PLEKHG1: variants seen among roughly 807,000 people sequenced by gnomAD.
PLEKHG1 encodes pleckstrin homology and RhoGEF domain containing G1.
In PLEKHG1, 44 loss-of-function variants were observed where a neutral mutation model predicts 100.8. The ratio of observed to expected loss-of-function variants is 0.44; its 90% CI spans 0.34 to 0.56. The LOEUF is 0.56. Ranked by LOEUF, PLEKHG1 falls within the 20% of genes least tolerant of loss-of-function variation. The pLI is 0.01. For synonymous variants in PLEKHG1, 640 were observed against 662.5 expected (o/e 0.97, Z 0.52); for missense variants, 1,545 against 1,720.9 (o/e 0.90, Z 1.81).
chr6:150,703,700 T>C (rs1264973697), intron 3 of PLEKHG1, among the ~76,000 whole-genome samples: 1 of 152,178 alleles, frequency 6.6e-6, no homozygotes, highest in East Asian at 1.9e-4. Context: ...TTCTGTTAAA[T>C]TGTACCTTAA....
intron 3 of PLEKHG1, among the ~76,000 whole-genome samples, chr6:150,707,362 T>C (rs924561204): frequency 1.1e-4 from 17 of 152,152 alleles, no homozygotes; most frequent in African/African-American, 3.9e-4. Context: ...TATCAGATCA[T>C]ATAGTCTGGT....
Position 150,741,274 on chromosome 6 carries a change from A to G in PLEKHG1, c.411+7182A>G, listed in dbSNP as rs1487519979. On this transcript the variant is annotated intron_variant, in intron 2 of 15. Transcript: ENST00000358517. ...ATTTGCAGAGTTGCTCTGCAAAAGTAGCTGTCGGCTGAACACAAGAGTTCA... is the reference window on the plus strand; with the variant it reads ...ATTTGCAGAGTTGCTCTGCAAAAGTGGCTGTCGGCTGAACACAAGAGTTCA... Among the ~76,000 whole-genome samples, 3 of 152,212 alleles carry G rather than the reference A, an allele frequency of 2.0e-5. No individual in the cohort carries two copies. The East Asian group carries it at 5.8e-4, about 29-fold the overall frequency.
chr6:150,702,476 A>AG (rs1366015477), intron 3 of PLEKHG1, among the ~76,000 whole-genome samples: 2 of 151,662 alleles, frequency 1.3e-5, no homozygotes, highest in Non-Finnish European at 2.9e-5. Context: ...TCTCAAAAAA[A>AG]AAAAGTTCTG....
Position 150,737,389 on chromosome 6 carries a change from T to A in PLEKHG1, c.411+3297T>A, listed in dbSNP as rs578120339. ...TCACTGCAAGCTCCGCTTCCCGGGT[T>A]CACGCCATTCTCCTGCCTCAGCCTC... On this transcript the variant is annotated intron_variant, in intron 2 of 15. Transcript: ENST00000358517. Among the ~76,000 whole-genome samples the A allele has an allele frequency of 6.6e-4, 100 of 151,304 alleles. 2 individuals carry two copies. The highest frequency in any genetic ancestry group is 2.4e-3 in the African/African-American group (98 of 40,964).
At chr6:150,682,713 G>C (rs1352312313) in intron 3 of PLEKHG1, among the ~76,000 whole-genome samples, 2 of 152,182 alleles carry the variant, frequency 1.3e-5, no homozygotes, top group African/African-American at 4.8e-5. Flanking sequence ...GCACCTGCAG[G>C]AGGGAGGCAA....
intron 1 of PLEKHG1, among the ~76,000 whole-genome samples, chr6:150,626,384 C>T (rs951741821): frequency 7.2e-5 from 11 of 152,158 alleles, no homozygotes; most frequent in Admixed American, 5.9e-4. Flanking sequence ...TGAAGGAGAA[C>T]TCGCCATGCT....
At chr6:150,791,386 G>A (rs897060385) in intron 4 of PLEKHG1, among the ~76,000 whole-genome samples, 1 of 152,274 alleles carries the variant, frequency 6.6e-6, no homozygotes, top group Non-Finnish European at 1.5e-5. Context: ...TGGAGGCTGG[G>A]AGCGGTGGCT....
At chr6:150,684,425 G>A (rs1056718806) in intron 3 of PLEKHG1, among the ~76,000 whole-genome samples, 1 of 152,200 alleles carries the variant, frequency 6.6e-6, no homozygotes, top group Non-Finnish European at 1.5e-5. Flanking sequence ...GGTGCGGCTT[G>A]GGGACTAGTA....
intron 3 of PLEKHG1, among the ~76,000 whole-genome samples, chr6:150,705,925 C>T (rs1780987104): frequency 1.3e-5 from 2 of 152,108 alleles, no homozygotes; most frequent in African/African-American, 4.8e-5. Flanking sequence ...GAACTAATGC[C>T]TCTAGGTGCC....
chr6:150,831,755 C>G lies in PLEKHG1; in HGVS notation c.2644C>G (p.Arg882Gly). 6.2e-7 allele frequency: 1 copy of G among 1,613,314 alleles called. No homozygotes were observed. The highest frequency in any genetic ancestry group is 8.5e-7 in the Non-Finnish European group (1 of 1,179,878). The change falls in exon 15 of 16, where the codon CGG (arginine) becomes GGG (glycine). Residue 882 changes from arginine to glycine, a missense_variant. Arg to Gly is a moderately radical substitution (Grantham distance 125). Coordinates refer to ENST00000358517, the Ensembl canonical transcript of PLEKHG1. This position sits in a 1 kb window ranked among gnomAD's most constrained non-coding sequence, Gnocchi z 4.1. Reference sequence around the variant, plus strand: ...CGCAGAGAGCACCCCTGAGCTGAGCCGGGACGTGGGGCGCTCTGTGTCCAC... The same window carrying G: ...CGCAGAGAGCACCCCTGAGCTGAGCGGGGACGTGGGGCGCTCTGTGTCCAC...
At chr6:150,810,539 GAAGA>G (rs1374893513) in intron 10 of PLEKHG1, among the ~76,000 whole-genome samples, 159 of 104,818 alleles carry the variant, frequency 1.5e-3, no homozygotes, top group Non-Finnish European at 2.5e-3. Context: ...AGAAAGAAAG[GAAGA>G]AAGGAAGGAA....
intron 3 of PLEKHG1, among the ~76,000 whole-genome samples, chr6:150,681,838 C>A (rs1339797137): frequency 6.6e-6 from 1 of 152,142 alleles, no homozygotes; most frequent in African/African-American, 2.4e-5. Flanking sequence ...TCCTCAATTT[C>A]TTTTTGGCCT....
At chr6:150,732,024 C>T (rs756916179) in intron 1 of PLEKHG1, among the ~76,000 whole-genome samples, 73 of 148,274 alleles carry the variant, frequency 4.9e-4, no homozygotes, top group Non-Finnish European at 5.2e-4. Flanking sequence ...TGCAGTGGCG[C>T]GATCTCGGCT....
chr6:150,775,889 A>C (rs1024416169), intron 3 of PLEKHG1, among the ~76,000 whole-genome samples: 1 of 152,024 alleles, frequency 6.6e-6, no homozygotes, highest in Non-Finnish European at 1.5e-5. Flanking sequence ...CAGTGCCTGG[A>C]AAGTATGAGT....
chr6:150,794,878 A>T (rs967635866), intron 4 of PLEKHG1, among the ~76,000 whole-genome samples: 9 of 151,856 alleles, frequency 5.9e-5, no homozygotes, highest in Admixed American at 4.6e-4. Flanking sequence ...TTTCCATTTT[A>T]AAAAAAAGTT....
At chr6:150,630,291 G>T (rs143937208) in intron 1 of PLEKHG1, among the ~76,000 whole-genome samples, 2 of 152,342 alleles carry the variant, frequency 1.3e-5, no homozygotes, top group African/African-American at 4.8e-5. Flanking sequence ...CGGAGAATCA[G>T]TGCTGGGGAG....
intron 1 of PLEKHG1, among the ~76,000 whole-genome samples, chr6:150,633,674 G>T (rs921929740): frequency 2.6e-5 from 4 of 152,202 alleles, no homozygotes; most frequent in African/African-American, 9.7e-5. Flanking sequence ...TGAGGAAGGA[G>T]AGGGTCAGAA....
chr6:150,690,014 G>A (rs962562231), intron 3 of PLEKHG1, among the ~76,000 whole-genome samples: 1 of 152,110 alleles, frequency 6.6e-6, no homozygotes. Flanking sequence ...ATGGCCATGT[G>A]TTGAATATTA....
chr6:150,809,784 A>G (rs712215), intron 10 of PLEKHG1, 50 bp downstream of exon 11: 416,857 of 1,421,034 alleles, frequency 0.29, 63,360 homozygotes, highest in Middle Eastern at 0.36. Flanking sequence ...TACAAGAATC[A>G]TTTGAACCTG....
Sources: gnomAD v4.1 joint callset for allele counts (sites outside exome capture counted in the v4.1 genomes callset) on GRCh38, gnomAD v4.1.1 for gene constraint, Gnocchi (gnomAD v3.1) non-coding constraint, MANE v1.5 for transcripts, NCBI Gene and HGNC (gene_info 2026-07-23, HGNC 2026-07-21) for gene names.